SBF2: variants seen among roughly 807,000 people sequenced by gnomAD.
SBF2 encodes the protein SET binding factor 2.
SBF2 carries 112 observed loss-of-function variants against 225.2 expected under a neutral mutation model. The ratio of observed to expected loss-of-function variants is 0.50; its 90% CI spans 0.43 to 0.58. SBF2 has a LOEUF of 0.58. Among genes scored for constraint, SBF2 ranks in the 20% least tolerant of loss-of-function variants. SBF2 has a pLI of 0.00. For missense variants in SBF2, 1,996 were observed against 2,206.2 expected, an observed-to-expected ratio of 0.90 and a Z score of 1.91; for synonymous variants, 763 against 773.3, an observed-to-expected ratio of 0.99 and a Z score of 0.22.
At position 9,847,063 on chromosome 11, in the gene SBF2, G is replaced by A. The variant is rs1324654662; in HGVS notation, c.2827C>T (p.Arg943Trp). 4 of 1,613,690 alleles carry A rather than the reference G, an allele frequency of 2.5e-6. No individual in the cohort carries two copies. Among genetic ancestry groups the A allele is most frequent in the Non-Finnish European group, 3.4e-6 (4 of 1,179,716 alleles). The change falls in exon 23 of 40, where the codon CGG becomes TGG. Residue 943 changes from arginine to tryptophan, a missense_variant. Arg to Trp is a moderately radical substitution (Grantham distance 101). Transcript: ENST00000256190. ...GTGATGGAGGCAATGGGAAAGCTCC[G>A]CACAACTGTCTGCTCACCCACTGTA... ...DQLVGEQTVV[R>W]SFPIASITKE...
chr11:10,092,751 G>T (rs753757918), intron 2 of SBF2, among the ~76,000 whole-genome samples: 1 of 152,124 alleles, frequency 6.6e-6, no homozygotes, highest in African/African-American at 2.4e-5. Flanking sequence ...ACATACACAC[G>T]CATTTAAATT....
intron 30 of SBF2, chr11:9,810,573 G>A (rs1590135870): frequency 6.6e-6 from 1 of 152,256 alleles, no homozygotes; most frequent in South Asian, 2.1e-4. Context: ...TTAAACACAG[G>A]AATAAGGCAA....
intron 1 of SBF2, among the ~76,000 whole-genome samples, chr11:10,219,087 C>T (rs536845462): frequency 1.1e-4 from 17 of 152,216 alleles, no homozygotes; most frequent in Non-Finnish European, 2.2e-4. Flanking sequence ...TGTGGCGGCT[C>T]TGACTCCACA....
chr11:9,950,471 A>C (rs895018687), intron 16 of SBF2, among the ~76,000 whole-genome samples: 1 of 152,246 alleles, frequency 6.6e-6, no homozygotes, highest in Non-Finnish European at 1.5e-5. Context: ...CTGATATTTC[A>C]ACTCTAGGTA....
chr11:10,132,961 G>A lies in SBF2; in HGVS notation c.141+60941C>T, dbSNP rs542378089. Reference sequence around the variant, plus strand: ...CCAGAGAAGCTAGGTACAGAGTGTCGATTGGTGCATTCACAAACCTTGAGC... The same window carrying A: ...CCAGAGAAGCTAGGTACAGAGTGTCAATTGGTGCATTCACAAACCTTGAGC... On this transcript the variant is annotated intron_variant, in intron 2 of 39. Coordinates refer to ENST00000256190, the MANE Select transcript of SBF2 (RefSeq NM_030962.4). Among the ~76,000 whole-genome samples the A allele has an allele frequency of 6.0e-5, 9 of 149,192 alleles. 1 individual carries two copies. The highest frequency in any genetic ancestry group is 4.4e-4 in the East Asian group (2 of 4,552).
chr11:9,791,752 T>A (rs1011926850), intron 33 of SBF2, among the ~76,000 whole-genome samples: 6 of 152,234 alleles, frequency 3.9e-5, no homozygotes, highest in African/African-American at 1.4e-4. Context: ...ATTGCTCCAT[T>A]TGGCGCCTTG....
intron 16 of SBF2, among the ~76,000 whole-genome samples, chr11:9,934,243 C>T (rs914502029): frequency 2.0e-5 from 3 of 152,116 alleles, no homozygotes; most frequent in Admixed American, 1.3e-4. Flanking sequence ...ATACACCCTC[C>T]CAAGACTAAA....
intron 1 of SBF2, among the ~76,000 whole-genome samples, chr11:10,247,010 C>T (rs1565397508): frequency 2.0e-5 from 3 of 151,932 alleles, no homozygotes. Context: ...TCACTTGAGC[C>T]CAGATGTTCG....
intron 2 of SBF2, among the ~76,000 whole-genome samples, chr11:10,082,143 A>C (rs78531231): frequency 0.011 from 1,631 of 152,318 alleles, 31 homozygotes; most frequent in African/African-American, 0.037. Flanking sequence ...GAAATGGATA[A>C]GTTCCTGGAA....
chr11:9,975,519 G>A (rs574543570), intron 13 of SBF2, among the ~76,000 whole-genome samples: 54 of 152,304 alleles, frequency 3.5e-4, no homozygotes, highest in Non-Finnish European at 4.0e-4. Flanking sequence ...CTTTGGGGGA[G>A]TGATAGAAAT....
intron 2 of SBF2, among the ~76,000 whole-genome samples, chr11:10,091,015 C>G (rs1391564154): frequency 6.6e-6 from 1 of 152,054 alleles, no homozygotes; most frequent in Admixed American, 6.6e-5. Flanking sequence ...TTTTTGAAAA[C>G]TCAACAGCAC....
chr11:10,209,725 C>T (rs954432533), intron 1 of SBF2, among the ~76,000 whole-genome samples: 1 of 152,078 alleles, frequency 6.6e-6, no homozygotes, highest in Non-Finnish European at 1.5e-5. Context: ...GAGAATGGCA[C>T]GTTATCCATC....
At chr11:10,205,894 G>A (rs867251661) in intron 1 of SBF2, among the ~76,000 whole-genome samples, 5 of 151,978 alleles carry the variant, frequency 3.3e-5, no homozygotes, top group Non-Finnish European at 1.5e-5. Flanking sequence ...GCTGTATCAA[G>A]TAACCTCGGC....
rs748921654 is a variant in SBF2 at position 9,853,763 on chromosome 11, G to T, written c.2364-51C>A. ...TGGTCAGTACTTAAATGCAACAAAT[G>T]ACTACTATATAGTAGTCAATTTACA... is the stretch of plus-strand genomic sequence containing the variant. On this transcript the variant is annotated intron_variant, in intron 19 of 39. Transcript: ENST00000256190. 1.1e-5 allele frequency: 16 copies of T among 1,517,246 alleles called. No individual in the cohort carries two copies. The East Asian group carries it at 2.5e-4, about 23-fold the overall frequency. 94.0% of individuals were successfully genotyped at this position (1,517,246 alleles called of 1,614,324 possible).
chr11:10,122,798 A>G (rs946249590), intron 2 of SBF2, among the ~76,000 whole-genome samples: 1 of 152,242 alleles, frequency 6.6e-6, no homozygotes, highest in Non-Finnish European at 1.5e-5. Flanking sequence ...TCAGCCCTTC[A>G]TACCTGCACA....
Position 9,808,075 on chromosome 11 carries a change from C to T in SBF2, c.4368G>A (p.Arg1456=), listed in dbSNP as rs763378451. The T allele has an allele frequency of 6.2e-6, 10 of 1,614,048 alleles. No individual in the cohort carries two copies. Among genetic ancestry groups the T allele is most frequent in the Non-Finnish European group, 8.5e-6 (10 of 1,180,032 alleles). Residue 1456 remains arginine, a synonymous_variant, in exon 32 of 40, where the codon AGG becomes AGA. Coordinates refer to ENST00000256190, the MANE Select transcript of SBF2 (RefSeq NM_030962.4). The part of the protein sequence containing the change: ...WLSFGHKFSQ[R]SSLTLNCQGS... ...CCTGACAGTTGAGGGTCAAGCTGCT[C>T]CTCTGACTGAATTTGTGACCAAAAG...
chr11:10,254,900 C>CAAAAAAAAAAAAAAAAAAAAAAAA (rs71034757), intron 1 of SBF2, among the ~76,000 whole-genome samples: 7 of 44,074 alleles, frequency 1.6e-4, no homozygotes, highest in Non-Finnish European at 2.3e-4. Flanking sequence ...GACTCTGTCT[C>CAAAAAAAAAAAAAAAAAAAAAAAA]AAAAAAAAAA....
At chr11:9,826,727 ATATATG>A (rs779241202) in intron 28 of SBF2, among the ~76,000 whole-genome samples, 1,542 of 132,914 alleles carry the variant, frequency 0.012, 28 homozygotes, top group African/African-American at 0.045. Context: ...ATATATATAT[ATATATG>A]TGTGTGTGTG....
At chr11:9,791,414 A>AT (rs1852728470) in intron 33 of SBF2, among the ~76,000 whole-genome samples, 1 of 84,348 alleles carries the variant, frequency 1.2e-5, no homozygotes, top group African/African-American at 3.6e-5. Flanking sequence ...GCATTTTACC[A>AT]GTTTATCAAA....
Sources: allele counts gnomAD v4.1 joint callset (sites outside exome capture counted in the v4.1 genomes callset), GRCh38; gene constraint gnomAD v4.1.1; transcripts MANE v1.5; gene names NCBI Gene and HGNC (gene_info 2026-07-23, HGNC 2026-07-21).